ATP8B1: variants seen among roughly 807,000 people sequenced by gnomAD.
The protein encoded by ATP8B1 is phospholipid-transporting ATPase IC.
A neutral mutation model predicts 149.9 loss-of-function variants in ATP8B1; 80 were observed. The observed-to-expected ratio is 0.53, with a 90% CI of 0.45 to 0.64. The LOEUF (loss-of-function observed/expected upper bound fraction) is 0.64. Ranked by LOEUF, ATP8B1 falls within the 30% of genes least tolerant of loss-of-function variation. The pLI is 0.00. For missense variants in ATP8B1, 1,247 were observed against 1,552.6 expected (o/e 0.80, Z 3.31); for synonymous variants, 536 against 562.8 (o/e 0.95, Z 0.67).
intron 1 of ATP8B1, among the ~76,000 whole-genome samples, chr18:57,763,592 A>G (rs529229234): frequency 6.6e-6 from 1 of 152,090 alleles, no homozygotes; most frequent in Non-Finnish European, 1.5e-5. Context: ...TAACATAGCA[A>G]CTTATCACAC....
At chr18:57,698,674 A>G (rs1266884115) in intron 6 of ATP8B1, among the ~76,000 whole-genome samples, 1 of 152,128 alleles carries the variant, frequency 6.6e-6, no homozygotes, top group Non-Finnish European at 1.5e-5. Context: ...TGACAAAGAC[A>G]CTGTATTCCC....
At chr18:57,723,804 C>G (rs2079675486) in intron 2 of ATP8B1, among the ~76,000 whole-genome samples, 2 of 148,750 alleles carry the variant, frequency 1.3e-5, no homozygotes, top group African/African-American at 5.0e-5. Context: ...CAATCCTAAG[C>G]CAAAAGAACA....
At chr18:57,753,886 C>G (rs1449360000) in intron 1 of ATP8B1, among the ~76,000 whole-genome samples, 1 of 142,562 alleles carries the variant, frequency 7.0e-6, no homozygotes, top group East Asian at 2.1e-4. Context: ...TGAGATCATG[C>G]CACTACATAC....
At chr18:57,681,554 A>C (rs1911972320) in intron 15 of ATP8B1, among the ~76,000 whole-genome samples, 1 of 152,132 alleles carries the variant, frequency 6.6e-6, no homozygotes, top group Non-Finnish European at 1.5e-5. Flanking sequence ...TAATCCCAGC[A>C]CTTTGGGAGG....
intron 2 of ATP8B1, among the ~76,000 whole-genome samples, chr18:57,723,198 A>G (rs940955097): frequency 6.9e-6 from 1 of 145,908 alleles, no homozygotes; most frequent in Non-Finnish European, 1.5e-5. Context: ...CAAGTCAGGG[A>G]TGCCCTCTCT....
chr18:57,696,545 G>T (rs1481693516), intron 8 of ATP8B1, among the ~76,000 whole-genome samples: 5 of 24,264 alleles, frequency 2.1e-4, no homozygotes, highest in African/African-American at 4.6e-4. Context: ...ATTTTTTTCC[G>T]CCAAAAAAAA....
At chr18:57,798,662 C>G (rs182473476) in intron 1 of ATP8B1, among the ~76,000 whole-genome samples, 2 of 152,092 alleles carry the variant, frequency 1.3e-5, no homozygotes, top group East Asian at 3.9e-4. Context: ...AGAGAAAAGA[C>G]CAACTGATGT....
intron 12 of ATP8B1, among the ~76,000 whole-genome samples, chr18:57,691,458 C>T (rs7236365): frequency 0.31 from 47,220 of 152,064 alleles, 8,171 homozygotes; most frequent in South Asian, 0.46. Flanking sequence ...GTTTTTCCAT[C>T]ACCTGCTAAA....
intron 1 of ATP8B1, among the ~76,000 whole-genome samples, chr18:57,756,967 T>C (rs1436164757): frequency 1.3e-5 from 2 of 151,764 alleles, no homozygotes; most frequent in African/African-American, 4.8e-5. Flanking sequence ...CACAATTTCC[T>C]CCTAAACGTG....
intron 20 of ATP8B1, among the ~76,000 whole-genome samples, chr18:57,664,124 A>G (rs317849): frequency 0.99 from 147,674 of 148,660 alleles, 73,364 homozygotes; most frequent in Middle Eastern, 1. Context: ...GTCTCGATTC[A>G]TCCACCATGG....
In ATP8B1 at chr18:57,671,438, C is replaced by T. The variant is rs745480804; in HGVS notation, c.1932+30G>A. On this transcript the variant is annotated intron_variant, in intron 17 of 27. Transcript: ENST00000648908. ...AGCATCAGAGAGTAAGTTCAGAATC[C>T]CTTGCAGAAAGAATAAAAGTGAAAC... is the stretch of plus-strand genomic sequence containing the variant. The T allele has an allele frequency of 5.9e-6, 9 of 1,528,306 alleles. No individual in the cohort carries two copies. The African/African-American group carries it at 8.2e-5, about 14-fold the overall frequency. 94.7% of individuals were successfully genotyped at this position (1,528,306 alleles called of 1,614,324 possible). A position where few individuals can be genotyped will look rare whatever the true frequency, so the allele number is the denominator to read the frequency against.
rs761202112 is a variant in ATP8B1 at position 57,674,994 on chromosome 18, G to A, written c.1659C>T (p.Pro553=). The change falls in exon 16 of 28, where the codon CCC becomes CCT. Residue 553 remains proline (P), a synonymous_variant. Transcript: ENST00000648908. The stretch of plus-strand genomic sequence containing the variant: ...CAGCGTTTACCAGGGCACCTTCATC[G>A]GGAGAGGCTGCCTGGTAGTTGAGCT... ...DGQLNYQAAS[P]DEGALVNAAR... 2.7e-5 allele frequency: 43 copies of A among 1,614,044 alleles called. No homozygotes were observed. The highest frequency in any genetic ancestry group is 1.7e-4 in the Admixed American group (10 of 60,004).
chr18:57,654,611 A>G (rs957537445), intron 23 of ATP8B1, among the ~76,000 whole-genome samples: 1 of 149,178 alleles, frequency 6.7e-6, no homozygotes, highest in African/African-American at 2.5e-5. Context: ...GAGCCACTGC[A>G]CCCAGCCCTG....
intron 1 of ATP8B1, among the ~76,000 whole-genome samples, chr18:57,778,900 T>G (rs2080334442): frequency 6.6e-6 from 1 of 152,160 alleles, no homozygotes; most frequent in South Asian, 2.1e-4. Context: ...TAACCCCTGC[T>G]CAAGGGAGAG....
intron 2 of ATP8B1, among the ~76,000 whole-genome samples, chr18:57,721,160 C>T (rs934336552): frequency 8.6e-6 from 1 of 116,670 alleles, no homozygotes; most frequent in Non-Finnish European, 1.8e-5. Flanking sequence ...ATGTAAAGAC[C>T]ATTGAGACTA....
intron 4 of ATP8B1, among the ~76,000 whole-genome samples, chr18:57,704,204 G>A (rs1183040672): frequency 6.6e-6 from 1 of 152,186 alleles, no homozygotes; most frequent in Non-Finnish European, 1.5e-5. Flanking sequence ...CTCACCCGAG[G>A]TGATCCACCC....
intron 16 of ATP8B1, among the ~76,000 whole-genome samples, chr18:57,672,472 T>A (rs1362271540): frequency 5.9e-5 from 9 of 152,200 alleles, no homozygotes; most frequent in Admixed American, 5.9e-4. Context: ...ACCTGTATAT[T>A]TTTATTGGTT....
intron 13 of ATP8B1, among the ~76,000 whole-genome samples, chr18:57,686,200 G>T (rs527696077): frequency 9.2e-5 from 14 of 151,976 alleles, no homozygotes; most frequent in Non-Finnish European, 1.9e-4. Flanking sequence ...AGGCGGAGGG[G>T]TTGCAGTGAG....
At chr18:57,649,777 T>TC (rs1465070882) in intron 27 of ATP8B1, among the ~76,000 whole-genome samples, 1 of 151,728 alleles carries the variant, frequency 6.6e-6, no homozygotes. Flanking sequence ...GGCTCTTATC[T>TC]CCCCCCGACA....
Sources: gnomAD v4.1 joint callset for allele counts (sites outside exome capture counted in the v4.1 genomes callset) on GRCh38, gnomAD v4.1.1 for gene constraint, MANE v1.5 for transcripts, NCBI Gene and HGNC (gene_info 2026-07-23, HGNC 2026-07-21) for gene names.